Variants in OR4K2 observed in about 807,000 individuals in gnomAD.
OR4K2 encodes olfactory receptor family 4 subfamily K member 2.
Under a neutral mutation model 10.5 loss-of-function variants are expected in OR4K2, and 8 were observed. That is an observed-to-expected ratio of 0.76 (90% confidence interval 0.45 to 1.37). The LOEUF (loss-of-function observed/expected upper bound fraction) is 1.37. Among genes scored for constraint, OR4K2 ranks in the 40% most tolerant of loss-of-function variants. The probability of loss-of-function intolerance (pLI) is 0.00; values close to 1 mark genes in which losing one functional copy is unlikely to be tolerated. For missense variants in OR4K2, 547 were observed against 379.5 expected, an observed-to-expected ratio of 1.44 and a Z score of -3.67; for synonymous variants, 178 against 133.6, an observed-to-expected ratio of 1.33 and a Z score of -2.29.
In OR4K2 at chr14:19,880,710, C is replaced by T. The variant is rs1208372052; in HGVS notation, c.*3498C>T. On this transcript the variant is annotated 3_prime_UTR_variant, in exon 2 of 2. Coordinates refer to ENST00000641885, the MANE Select transcript of OR4K2 (RefSeq NM_001005501.2). Reference sequence around the variant, plus strand: ...AATCAAGAGAAGTATCAAGTTGTTGCTTAATCATTATGCTATTGCTTCTTT... The same window carrying T: ...AATCAAGAGAAGTATCAAGTTGTTGTTTAATCATTATGCTATTGCTTCTTT... The T allele has an allele frequency of 2.6e-5, 4 of 152,182 alleles. No homozygotes were observed. The highest frequency in any genetic ancestry group is 1.3e-4 in the Admixed American group (2 of 15,276). 9.4% of individuals were successfully genotyped at this position (152,182 alleles called of 1,614,324 possible).
rs112994163 is a variant in OR4K2 at position 19,883,877 on chromosome 14, G to A, written c.*6665G>A. 3.9e-5 allele frequency: 6 copies of A among 152,166 alleles called. No individual in the cohort carries two copies. The highest frequency in any genetic ancestry group is 1.9e-4 in the East Asian group (1 of 5,202). The allele number at this position is 152,166 out of a possible 1,614,324, so 9.4% of individuals were successfully genotyped here. ...GAATCCCTGTTTGTACCTGGAGACC[G>A]TTTTGATCTGCCCTCCTCACCTCAC... is the stretch of plus-strand genomic sequence containing the variant. On this transcript the variant is annotated 3_prime_UTR_variant, in exon 2 of 2. Coordinates refer to ENST00000641885, the MANE Select transcript of OR4K2 (RefSeq NM_001005501.2).
chr14:19,876,591 TG>T lies in OR4K2; in HGVS notation c.326del (p.Gly109GlufsTer49). On this transcript the variant is annotated frameshift_variant, in exon 2 of 2. Transcript: ENST00000641885. LOFTEE classifies it high-confidence loss of function. ...TQIFFLHLFT[G>X]TEIILLMAMS... ...AGATATTCTTTCTCCACCTTTTCACTGGAACTGAGATCATCTTACTCATGGC... is the reference window on the plus strand; with the variant it reads ...AGATATTCTTTCTCCACCTTTTCACTGAACTGAGATCATCTTACTCATGGC... 4 of 1,614,222 alleles carry T rather than the reference TG, an allele frequency of 2.5e-6. No individual in the cohort carries two copies. Among genetic ancestry groups the T allele is most frequent in the Non-Finnish European group, 3.4e-6 (4 of 1,180,008 alleles).
In OR4K2 at chr14:19,877,452, A is replaced by C; in HGVS notation, c.*240A>C. The C allele has an allele frequency of 2.6e-6, 1 of 389,028 alleles. No homozygotes were observed. The highest frequency in any genetic ancestry group is 4.7e-6 in the Non-Finnish European group (1 of 213,666). 24.1% of individuals were successfully genotyped at this position (389,028 alleles called of 1,614,324 possible). A position where few individuals can be genotyped will look rare whatever the true frequency, so the allele number is the denominator to read the frequency against. Reference sequence around the variant, plus strand: ...TCCAGTTAGGACATTCAATATCAATAATCAATTTATTGGAAAAGAGGACCA... The same window carrying C: ...TCCAGTTAGGACATTCAATATCAATCATCAATTTATTGGAAAAGAGGACCA... On this transcript the variant is annotated 3_prime_UTR_variant, in exon 2 of 2. Transcript: ENST00000641885.
Position 19,876,795 on chromosome 14 carries a change from CT to C in OR4K2, c.533del (p.Phe178SerfsTer22). 6.2e-7 allele frequency: 1 copy of C among 1,614,208 alleles called. No homozygotes were observed. Among genetic ancestry groups the C allele is most frequent in the Non-Finnish European group, 8.5e-7 (1 of 1,180,008 alleles). On this transcript the variant is annotated frameshift_variant, in exon 2 of 2. Coordinates refer to ENST00000641885, the MANE Select transcript of OR4K2 (RefSeq NM_001005501.2). LOFTEE classifies it high-confidence loss of function. ...PFCGPYEVDS[F>X]FCDLPVVFQL... ...TCTGTGGTCCCTATGAGGTAGACAGCTTTTTCTGTGACCTTCCTGTGGTGTT... is the reference window on the plus strand; with the variant it reads ...TCTGTGGTCCCTATGAGGTAGACAGCTTTTCTGTGACCTTCCTGTGGTGTT...
In OR4K2 at chr14:19,878,238, C is replaced by G. The variant is rs908105361; in HGVS notation, c.*1026C>G. 4 of 152,186 alleles carry G rather than the reference C, an allele frequency of 2.6e-5. No individual in the cohort carries two copies. The highest frequency in any genetic ancestry group is 7.2e-5 in the African/African-American group (3 of 41,462). The allele number at this position is 152,186 out of a possible 1,614,324, so 9.4% of individuals were successfully genotyped here. A position where few individuals can be genotyped will look rare whatever the true frequency, so the allele number is the denominator to read the frequency against. On this transcript the variant is annotated 3_prime_UTR_variant, in exon 2 of 2. Transcript: ENST00000641885. ...AAAGTATTACTACCACCTGCTGGTA[C>G]TAACTGGAATTGCAAGTATTGAAAG...
At position 19,881,370 on chromosome 14, in the gene OR4K2, T is replaced by G. The variant is rs1881031796; in HGVS notation, c.*4158T>G. The G allele has an allele frequency of 6.6e-6, 1 of 152,240 alleles. No individual in the cohort carries two copies. Among genetic ancestry groups the G allele is most frequent in the Non-Finnish European group, 1.5e-5 (1 of 68,046 alleles). 9.4% of individuals were successfully genotyped at this position (152,240 alleles called of 1,614,324 possible). A position where few individuals can be genotyped will look rare whatever the true frequency, so the allele number is the denominator to read the frequency against. On this transcript the variant is annotated 3_prime_UTR_variant, in exon 2 of 2. Transcript: ENST00000641885. Reference sequence around the variant, plus strand: ...CACCATGAGGTAAATATGCACAAATTATTCTGGAGCGTGTAGGACCAACAC... The same window carrying G: ...CACCATGAGGTAAATATGCACAAATGATTCTGGAGCGTGTAGGACCAACAC...
In OR4K2 at chr14:19,883,490, TGTCTGGA is replaced by T. The variant is rs1385908076; in HGVS notation, c.*6284_*6290del. 2.0e-5 allele frequency: 3 copies of T among 152,296 alleles called. No individual in the cohort carries two copies. Among genetic ancestry groups the T allele is most frequent in the African/African-American group, 7.2e-5 (3 of 41,478 alleles). 9.4% of individuals were successfully genotyped at this position (152,296 alleles called of 1,614,324 possible). On this transcript the variant is annotated 3_prime_UTR_variant, in exon 2 of 2. Transcript: ENST00000641885. ...ATAATGACTCTCTTTGTAAGCACTTTGTCTGGAGTCTGCAAAGCCTGTATTTTTCTTC... is the reference window on the plus strand; with the variant it reads ...ATAATGACTCTCTTTGTAAGCACTTTGTCTGCAAAGCCTGTATTTTTCTTC...
chr14:19,876,860 T>C lies in OR4K2; in HGVS notation c.593T>C (p.Phe198Ser). ...GTGGATACTTATGTTCTGGGCCTCT[T>C]TATGATCTCAACAAGTGGCATAATT... is the stretch of plus-strand genomic sequence containing the variant. ...ACVDTYVLGL[F>S]MISTSGIIAL... The change falls in exon 2 of 2, where the codon TTT becomes TCT. Residue 198 changes from phenylalanine to serine, a missense_variant. Physicochemically the swap from Phe to Ser is radical, Grantham distance 155. Transcript: ENST00000641885. 6.2e-7 allele frequency: 1 copy of C among 1,614,200 alleles called. No individual in the cohort carries two copies. The highest frequency in any genetic ancestry group is 1.6e-4 in the Middle Eastern group (1 of 6,062).
At position 19,880,089 on chromosome 14, in the gene OR4K2, C is replaced by G. The variant is rs1400674174; in HGVS notation, c.*2877C>G. 2 of 153,016 alleles carry G rather than the reference C, an allele frequency of 1.3e-5. No homozygotes were observed. Among genetic ancestry groups the G allele is most frequent in the East Asian group, 3.9e-4 (2 of 5,192 alleles). 9.5% of individuals were successfully genotyped at this position (153,016 alleles called of 1,614,324 possible). A position where few individuals can be genotyped will look rare whatever the true frequency, so the allele number is the denominator to read the frequency against. The stretch of plus-strand genomic sequence containing the variant: ...TTTTTTTGTAAAGCTCATCAGCTAT[C>G]TTTAGTATCAGTGTATTTTATGTGT... On this transcript the variant is annotated 3_prime_UTR_variant, in exon 2 of 2. Transcript: ENST00000641885.
At position 19,880,083 on chromosome 14, in the gene OR4K2, A is replaced by G. The variant is rs1361159118; in HGVS notation, c.*2871A>G. The G allele has an allele frequency of 6.5e-6, 1 of 152,876 alleles. No homozygotes were observed. The highest frequency in any genetic ancestry group is 1.8e-4 in the South Asian group (1 of 5,430). The allele number at this position is 152,876 out of a possible 1,614,324, so 9.5% of individuals were successfully genotyped here. A position where few individuals can be genotyped will look rare whatever the true frequency, so the allele number is the denominator to read the frequency against. On this transcript the variant is annotated 3_prime_UTR_variant, in exon 2 of 2. Transcript: ENST00000641885. ...TTGTGATTTTTTTGTAAAGCTCATC[A>G]GCTATCTTTAGTATCAGTGTATTTT...
rs1881034094 is a variant in OR4K2, at chr14:19,881,457, T to C, written c.*4245T>C. ...TCATGTATTCTGTCTCTATTGTTGC[T>C]AATATAACTCAATTGACATGTTATT... On this transcript the variant is annotated 3_prime_UTR_variant, in exon 2 of 2. Transcript: ENST00000641885. 6.6e-6 allele frequency: 1 copy of C among 152,174 alleles called. No individual in the cohort carries two copies. The highest frequency in any genetic ancestry group is 2.4e-5 in the African/African-American group (1 of 41,438). The allele number at this position is 152,174 out of a possible 1,614,324, so 9.4% of individuals were successfully genotyped here.
Position 19,876,254 on chromosome 14 carries a change from T to G in OR4K2, c.-14T>G. The G allele has an allele frequency of 9.2e-7, 1 of 1,081,614 alleles. No individual in the cohort carries two copies. Among genetic ancestry groups the G allele is most frequent in the Non-Finnish European group, 1.4e-6 (1 of 725,620 alleles). The allele number at this position is 1,081,614 out of a possible 1,614,324, so 67.0% of individuals were successfully genotyped here. ...TTTTTTCGTGATACAGGCTTCTGCC[T>G]ATGAATCAAGACAATGGATGTGGGC... On this transcript the variant is annotated 5_prime_UTR_variant, in exon 2 of 2. Transcript: ENST00000641885.
At position 19,883,738 on chromosome 14, in the gene OR4K2, GTTC is replaced by G. The variant is rs1881094057; in HGVS notation, c.*6530_*6532del. 6.6e-6 allele frequency: 1 copy of G among 152,192 alleles called. No individual in the cohort carries two copies. Among genetic ancestry groups the G allele is most frequent in the South Asian group, 2.1e-4 (1 of 4,834 alleles). The allele number at this position is 152,192 out of a possible 1,614,324, so 9.4% of individuals were successfully genotyped here. On this transcript the variant is annotated 3_prime_UTR_variant, in exon 2 of 2. Transcript: ENST00000641885. ...TATTAAAATGTACCTAAATAAAATT[GTTC>G]TTCAAGAGTAACATGTAATTGAATC...
rs1881098467 is a variant in OR4K2, at chr14:19,883,919, A to C, written c.*6707A>C. 6.6e-6 allele frequency: 1 copy of C among 152,256 alleles called. No homozygotes were observed. The highest frequency in any genetic ancestry group is 2.1e-4 in the South Asian group (1 of 4,832). The allele number at this position is 152,256 out of a possible 1,614,324, so 9.4% of individuals were successfully genotyped here. A position where few individuals can be genotyped will look rare whatever the true frequency, so the allele number is the denominator to read the frequency against. Reference sequence around the variant, plus strand: ...TCACCTCACATTTCACACATGGAGAAAAAAAGTCTGCACTTATAAAGCAAT... The same window carrying C: ...TCACCTCACATTTCACACATGGAGACAAAAAGTCTGCACTTATAAAGCAAT... On this transcript the variant is annotated 3_prime_UTR_variant, in exon 2 of 2. Coordinates refer to ENST00000641885, the MANE Select transcript of OR4K2 (RefSeq NM_001005501.2).
Position 19,876,123 on chromosome 14 carries a change from A to T in OR4K2, c.-35A>T. The T allele has an allele frequency of 1.5e-6, 1 of 680,148 alleles. No homozygotes were observed. The highest frequency in any genetic ancestry group is 2.7e-5 in the East Asian group (1 of 36,366). 42.1% of individuals were successfully genotyped at this position (680,148 alleles called of 1,614,324 possible). A position where few individuals can be genotyped will look rare whatever the true frequency, so the allele number is the denominator to read the frequency against. ...AATATACCAAATGAGAAGGATGGAAAGAATAGTCAAGGTAAGTTTTATGAG... is the reference window on the plus strand; with the variant it reads ...AATATACCAAATGAGAAGGATGGAATGAATAGTCAAGGTAAGTTTTATGAG... On this transcript the variant is annotated 5_prime_UTR_variant, in exon 1 of 2. The change creates a new upstream start codon in the 5' untranslated region. Coordinates refer to ENST00000641885, the MANE Select transcript of OR4K2 (RefSeq NM_001005501.2).
rs1159135142 is a variant in OR4K2 at position 19,879,711 on chromosome 14, G to T, written c.*2499G>T. 1.3e-5 allele frequency: 2 copies of T among 152,232 alleles called. No individual in the cohort carries two copies. The highest frequency in any genetic ancestry group is 4.8e-5 in the African/African-American group (2 of 41,458). 9.4% of individuals were successfully genotyped at this position (152,232 alleles called of 1,614,324 possible). ...TAATATGTGAAGGAACTGGATATAT[G>T]TAATAGCAATAAAAACTACAAATTA... On this transcript the variant is annotated 3_prime_UTR_variant, in exon 2 of 2. Transcript: ENST00000641885.
Position 19,876,541 on chromosome 14 carries a change from A to G in OR4K2, c.274A>G (p.Ile92Val). 1.2e-6 allele frequency: 2 copies of G among 1,614,200 alleles called. No homozygotes were observed. The highest frequency in any genetic ancestry group is 1.3e-5 in the African/African-American group (1 of 75,054). The change falls in exon 2 of 2, where the codon ATC becomes GTC. Residue 92 changes from isoleucine to valine, a missense_variant. Physicochemically the swap from Ile to Val is conservative, Grantham distance 29. Coordinates refer to ENST00000641885, the MANE Select transcript of OR4K2 (RefSeq NM_001005501.2). ...AGATTACCTAACAGGTCACAAAACC[A>G]TCTCTTTTGATGGCTGCCTTACCCA... ...ITDYLTGHKT[I>V]SFDGCLTQIF...
intron 1 of OR4K2, 31 bp from the exon 2 acceptor site, chr14:19,876,214 C>CTTTT (rs35601631): frequency 1.6e-4 from 101 of 642,308 alleles, no homozygotes; most frequent in Admixed American, 3.0e-4. Context: ...TCTGACTTTC[C>CTTTT]TTTTTTTTTT....
In OR4K2 at chr14:19,877,308, T is replaced by G; in HGVS notation, c.*96T>G. 1.2e-6 allele frequency: 1 copy of G among 823,518 alleles called. No individual in the cohort carries two copies. The highest frequency in any genetic ancestry group is 2.9e-5 in the Admixed American group (1 of 35,052). The allele number at this position is 823,518 out of a possible 1,614,324, so 51.0% of individuals were successfully genotyped here. A position where few individuals can be genotyped will look rare whatever the true frequency, so the allele number is the denominator to read the frequency against. ...GTAATTGCCAAGAATTTGTGAGGGCTCAAGTTCAGTGCATTTTGAAACTAT... is the reference window on the plus strand; with the variant it reads ...GTAATTGCCAAGAATTTGTGAGGGCGCAAGTTCAGTGCATTTTGAAACTAT... On this transcript the variant is annotated 3_prime_UTR_variant, in exon 2 of 2. Coordinates refer to ENST00000641885, the MANE Select transcript of OR4K2 (RefSeq NM_001005501.2).
Sources: gnomAD v4.1 joint callset for allele counts on GRCh38, gnomAD v4.1.1 for gene constraint, MANE v1.5 for transcripts, NCBI Gene and HGNC (gene_info 2026-07-23, HGNC 2026-07-21) for gene names.